PRDM2: variants seen among roughly 807,000 people sequenced by gnomAD.
The protein encoded by PRDM2 is PR/SET domain 2.
A neutral mutation model predicts 130.0 loss-of-function variants in PRDM2; 30 were observed. The ratio of observed to expected loss-of-function variants is 0.23; its 90% CI spans 0.17 to 0.31. PRDM2 has a LOEUF of 0.31. PRDM2 is among the 10% of genes least tolerant of loss of function. PRDM2 has a pLI of 1.00. For synonymous variants in PRDM2, 871 were observed against 782.4 expected (o/e 1.11, Z -1.89); for missense variants, 2,011 against 2,108.4 (o/e 0.95, Z 0.90).
chr1:13,732,843 A>C lies in PRDM2; in HGVS notation c.192A>C (p.Lys64Asn). ...TTGGGCCATTTGTTGGTGATAAGAA[A>C]AAAAGATCTCAGGTTAAGAATAATG... is the stretch of plus-strand genomic sequence containing the variant. ...KKFGPFVGDK[K>N]KRSQVKNNVY... is the part of the protein sequence containing the mutation. The change falls in exon 4 of 10, where the codon AAA (lysine) becomes AAC (asparagine). Residue 64 changes from lysine (K) to asparagine (N), a missense_variant. Coordinates refer to ENST00000311066, the MANE Select transcript of PRDM2 (RefSeq NM_001393986.1). 1 of 1,608,852 alleles carries C rather than the reference A, an allele frequency of 6.2e-7. No individual in the cohort carries two copies. The highest frequency in any genetic ancestry group is 8.5e-7 in the Non-Finnish European group (1 of 1,177,634).
intron 6 of PRDM2, chr1:13,769,149 C>A: frequency 1.0e-6 from 1 of 985,680 alleles, no homozygotes; most frequent in African/African-American, 1.7e-5. Flanking sequence ...GCAGTAGCGC[C>A]CTGTAGGACC....
At chr1:13,787,283 G>A (rs915249709) in intron 8 of PRDM2, 2 of 983,242 alleles carry the variant, frequency 2.0e-6, no homozygotes, top group Non-Finnish European at 2.4e-6. Context: ...CTGTACAGAT[G>A]TATGTCTACA....
At chr1:13,819,575 A>G (rs1019462258) in intron 9 of PRDM2, among the ~76,000 whole-genome samples, 1 of 152,228 alleles carries the variant, frequency 6.6e-6, no homozygotes, top group Non-Finnish European at 1.5e-5. Context: ...TTTTAAAAAA[A>G]TCTCTTTATA....
Position 13,717,711 on chromosome 1 carries a change from C to T in PRDM2, c.9+2097C>T, listed in dbSNP as rs542737067. 8.7e-5 allele frequency among the ~76,000 whole-genome samples: 13 copies of T among 150,112 alleles called. No homozygotes were observed. The East Asian group carries it at 1.2e-3, about 14-fold the overall frequency. ...TTTTTTTTTGGCTCTTTTATAATTTCGTTTTGCTTTTGACAAGTTTTAATA... is the reference window on the plus strand; with the variant it reads ...TTTTTTTTTGGCTCTTTTATAATTTTGTTTTGCTTTTGACAAGTTTTAATA... On this transcript the variant is annotated intron_variant, in intron 2 of 9. Coordinates refer to ENST00000311066, the MANE Select transcript of PRDM2 (RefSeq NM_001393986.1).
intron 1 of PRDM2, among the ~76,000 whole-genome samples, chr1:13,706,955 C>T (rs1642228774): frequency 6.6e-6 from 1 of 151,272 alleles, no homozygotes; most frequent in Non-Finnish European, 1.5e-5. Flanking sequence ...ATAGAAGAGT[C>T]ACTTTCTACC....
intron 2 of PRDM2, among the ~76,000 whole-genome samples, chr1:13,716,984 C>A (rs1055058781): frequency 6.6e-6 from 1 of 151,738 alleles, no homozygotes; most frequent in African/African-American, 2.4e-5. Flanking sequence ...ATCACAAGTT[C>A]AATTTAATTA....
chr1:13,739,128 G>C (rs1452470927), intron 4 of PRDM2, among the ~76,000 whole-genome samples: 2 of 151,440 alleles, frequency 1.3e-5, no homozygotes, highest in African/African-American at 2.4e-5. Context: ...CTCACTGCAA[G>C]CTCTGCCTCC....
intron 8 of PRDM2, among the ~76,000 whole-genome samples, chr1:13,804,604 G>A (rs563062850): frequency 6.6e-6 from 1 of 152,298 alleles, no homozygotes; most frequent in South Asian, 2.1e-4. Flanking sequence ...GGGGGGAAAT[G>A]ATGCCGCTGG....
At chr1:13,748,792 CGGACCTCCCT>C (rs1643696589) in intron 5 of PRDM2, among the ~76,000 whole-genome samples, 1 of 152,214 alleles carries the variant, frequency 6.6e-6, no homozygotes, top group Non-Finnish European at 1.5e-5. Flanking sequence ...GGGCGAGGCA[CGGACCTCCCT>C]GGACCAGAGC....
At chr1:13,814,976 GATA>G (rs929771499) in intron 8 of PRDM2, among the ~76,000 whole-genome samples, 15 of 152,192 alleles carry the variant, frequency 9.9e-5, no homozygotes, top group African/African-American at 3.4e-4. Context: ...GTAAATTAGG[GATA>G]ATAACAGTAT....
intron 6 of PRDM2, among the ~76,000 whole-genome samples, chr1:13,766,607 T>C (rs1644232510): frequency 1.3e-5 from 2 of 152,190 alleles, no homozygotes; most frequent in South Asian, 4.1e-4. Context: ...GCCCGTGTCC[T>C]CGATGACCAT....
At chr1:13,739,719 G>T (rs750143766) in intron 4 of PRDM2, among the ~76,000 whole-genome samples, 7 of 152,126 alleles carry the variant, frequency 4.6e-5, no homozygotes, top group Non-Finnish European at 8.8e-5. Context: ...TCATTAGAAT[G>T]AATTCCTACA....
intron 8 of PRDM2, chr1:13,786,626 T>G: frequency 6.3e-7 from 1 of 1,580,080 alleles, no homozygotes; most frequent in East Asian, 2.3e-5. Context: ...TCTACCAAGC[T>G]TGCAAGACCA....
intron 8 of PRDM2, among the ~76,000 whole-genome samples, chr1:13,813,186 C>T (rs976253606): frequency 3.3e-5 from 5 of 152,156 alleles, no homozygotes; most frequent in African/African-American, 7.2e-5. Context: ...CTGGTCTTCC[C>T]GATTTGCAGA....
intron 6 of PRDM2, among the ~76,000 whole-genome samples, chr1:13,754,022 GT>G (rs1643893263): frequency 1.3e-5 from 2 of 152,152 alleles, no homozygotes; most frequent in Non-Finnish European, 2.9e-5. Flanking sequence ...TGTCAGTAGT[GT>G]TTTGCAGGGT....
At chr1:13,715,290 T>A (rs560208471) in intron 1 of PRDM2, among the ~76,000 whole-genome samples, 1 of 152,222 alleles carries the variant, frequency 6.6e-6, no homozygotes, top group Non-Finnish European at 1.5e-5. Context: ...AAGCAAAGAT[T>A]TGATGTCCTC....
At chr1:13,765,897 C>T (rs1343455184) in intron 6 of PRDM2, among the ~76,000 whole-genome samples, 1 of 152,138 alleles carries the variant, frequency 6.6e-6, no homozygotes, top group Non-Finnish European at 1.5e-5. Context: ...TTATACTTTT[C>T]TCCTCCCAGT....
chr1:13,759,685 G>C (rs1361257990), intron 6 of PRDM2, among the ~76,000 whole-genome samples: 1 of 152,144 alleles, frequency 6.6e-6, no homozygotes, highest in Admixed American at 6.5e-5. Flanking sequence ...TCTGTAGCAG[G>C]TTTACGCTGT....
intron 3 of PRDM2, among the ~76,000 whole-genome samples, 199 bp downstream of exon 3, chr1:13,731,316 A>G (rs192780580): frequency 6.6e-6 from 1 of 152,276 alleles, no homozygotes; most frequent in Non-Finnish European, 1.5e-5. Flanking sequence ...AACCAGGAAC[A>G]CACAAACAGA....
Sources: allele counts gnomAD v4.1 joint callset (sites outside exome capture counted in the v4.1 genomes callset), GRCh38; gene constraint gnomAD v4.1.1; transcripts MANE v1.5; gene names NCBI Gene and HGNC (gene_info 2026-07-23, HGNC 2026-07-21).